Variants in MRM1 observed in about 807,000 individuals in gnomAD.
MRM1 encodes the protein rRNA methyltransferase 1, mitochondrial.
In MRM1, 24 loss-of-function variants were observed where a neutral mutation model predicts 25.0. The ratio of observed to expected loss-of-function variants is 0.96; its 90% CI spans 0.69 to 1.35. The LOEUF is 1.35. Among genes scored for constraint, MRM1 ranks in the 40% most tolerant of loss-of-function variants. The probability of loss-of-function intolerance (pLI) is 0.00; values close to 1 mark genes in which losing one functional copy is unlikely to be tolerated. For synonymous variants in MRM1, 188 were observed against 199.2 expected, an observed-to-expected ratio of 0.94 and a Z score of 0.47; for missense variants, 431 against 464.1, an observed-to-expected ratio of 0.93 and a Z score of 0.65.
intron 4 of MRM1, 86 bp from the exon 5 acceptor site, chr17:36,608,157 G>T: frequency 1.3e-6 from 2 of 1,520,870 alleles, no homozygotes; most frequent in Non-Finnish European, 1.8e-6. Context: ...TCCCGTTGAT[G>T]AGATGAGGGG....
In MRM1 at chr17:36,608,525, T is replaced by G; in HGVS notation, c.*110T>G. On this transcript the variant is annotated 3_prime_UTR_variant, in exon 5 of 5. Transcript: ENST00000614766. The stretch of plus-strand genomic sequence containing the variant: ...CCTGAGTGTGCACCAGGCCCATGTT[T>G]ATTGACCACAGTCTGGGGGGGGGGG... 1.7e-5 allele frequency: 7 copies of G among 420,236 alleles called. No individual in the cohort carries two copies. The highest frequency in any genetic ancestry group is 7.7e-5 in the East Asian group (1 of 12,928). The allele number at this position is 420,236 out of a possible 1,614,324, so 26.0% of individuals were successfully genotyped here.
At chr17:36,631,786 G>A in the MRM1 span, among the ~76,000 whole-genome samples, 1 of 152,200 alleles carries the variant, frequency 6.6e-6, no homozygotes, top group African/African-American at 2.4e-5. Context: ...TTTCTCCAAA[G>A]ACCTTAGGGA....
intron 2 of MRM1, among the ~76,000 whole-genome samples, chr17:36,606,875 T>C (rs1284418013): frequency 6.6e-6 from 1 of 150,404 alleles, no homozygotes; most frequent in Non-Finnish European, 1.5e-5. Context: ...CCTCCCAAAG[T>C]GCTGGGATTA....
the MRM1 span, among the ~76,000 whole-genome samples, chr17:36,633,457 T>C: frequency 6.6e-6 from 1 of 152,072 alleles, no homozygotes; most frequent in African/African-American, 2.4e-5. Context: ...TCACACCCTC[T>C]TCCTTCGAAG....
At chr17:36,609,745 G>A (rs1350043589), downstream of MRM1, among the ~76,000 whole-genome samples, 3 of 152,208 alleles carry the variant, frequency 2.0e-5, no homozygotes, top group East Asian at 3.8e-4. Context: ...GGGCGAAAGG[G>A]GAATAATCCT....
the MRM1 span, among the ~76,000 whole-genome samples, chr17:36,625,316 TCTTCTCCTTCTC>T: frequency 8.6e-6 from 1 of 116,832 alleles, no homozygotes; most frequent in East Asian, 2.2e-4. Context: ...TCTTCTTCTT[TCTTCTCCTTCTC>T]CTTCTCCTTC....
downstream of MRM1, among the ~76,000 whole-genome samples, chr17:36,609,693 T>TG (rs554140549): frequency 3.9e-4 from 60 of 152,136 alleles, no homozygotes; most frequent in Admixed American, 6.5e-4. Context: ...TATGTGACCT[T>TG]GGGGGGGCGC....
chr17:36,625,449 T>C, the MRM1 span, among the ~76,000 whole-genome samples: 9 of 134,116 alleles, frequency 6.7e-5, no homozygotes, highest in Non-Finnish European at 1.1e-4. Flanking sequence ...TTCTTCTTCT[T>C]CTCCTCCTCC....
chr17:36,622,807 C>T, the MRM1 span, among the ~76,000 whole-genome samples: 1 of 152,138 alleles, frequency 6.6e-6, no homozygotes, highest in South Asian at 2.1e-4. Context: ...GGGTCATGCT[C>T]CTGGGGTAAT....
the MRM1 span, among the ~76,000 whole-genome samples, chr17:36,621,506 C>T: frequency 6.6e-6 from 1 of 152,172 alleles, no homozygotes; most frequent in Non-Finnish European, 1.5e-5. Flanking sequence ...CTTCCCAGTC[C>T]CTCTCAGCCC....
intron 2 of MRM1, among the ~76,000 whole-genome samples, chr17:36,604,395 C>G (rs556933384): frequency 5.9e-5 from 9 of 152,358 alleles, no homozygotes; most frequent in African/African-American, 2.2e-4. Flanking sequence ...TGCTTTCCTT[C>G]TGCTTCACCA....
chr17:36,626,612 C>T, the MRM1 span, among the ~76,000 whole-genome samples: 1 of 152,262 alleles, frequency 6.6e-6, no homozygotes, highest in Non-Finnish European at 1.5e-5. Flanking sequence ...CCGCCTGCCT[C>T]AGCCTCCCAA....
At chr17:36,622,518 G>T in the MRM1 span, among the ~76,000 whole-genome samples, 1 of 151,114 alleles carries the variant, frequency 6.6e-6, no homozygotes, top group Non-Finnish European at 1.5e-5. Flanking sequence ...GTTGCAGTGA[G>T]CTGAGATCAA....
the MRM1 span, among the ~76,000 whole-genome samples, chr17:36,619,667 GAA>G: frequency 3.1e-5 from 4 of 129,942 alleles, no homozygotes; most frequent in East Asian, 9.0e-4. Flanking sequence ...GTCTCAAAAA[GAA>G]AAAAAAAAAA....
At position 36,602,709 on chromosome 17, in the gene MRM1, A is replaced by T; in HGVS notation, c.636+63A>T. 1 of 1,577,438 alleles carries T rather than the reference A, an allele frequency of 6.3e-7. No homozygotes were observed. Among genetic ancestry groups the T allele is most frequent in the Admixed American group, 1.7e-5 (1 of 59,722 alleles). ...CCAGCTCAGCCTCTTCAAGGGGACGAAGCTAGCCCCTGGCGAGGGAGAGAA... is the reference window on the plus strand; with the variant it reads ...CCAGCTCAGCCTCTTCAAGGGGACGTAGCTAGCCCCTGGCGAGGGAGAGAA... On this transcript the variant is annotated intron_variant, in intron 2 of 4. Coordinates refer to ENST00000614766, the MANE Select transcript of MRM1 (RefSeq NM_024864.5). The surrounding 1 kb of genome is among the most constrained non-coding windows in gnomAD (Gnocchi z 4.1).
chr17:36,631,198 C>T, the MRM1 span, among the ~76,000 whole-genome samples: 2 of 152,240 alleles, frequency 1.3e-5, no homozygotes, highest in Admixed American at 6.5e-5. Context: ...ATTGCTCACC[C>T]TCTTTGAACC....
chr17:36,629,359 G>T, the MRM1 span, among the ~76,000 whole-genome samples: 1 of 152,148 alleles, frequency 6.6e-6, no homozygotes, highest in Non-Finnish European at 1.5e-5. Context: ...GTCTGAGGGC[G>T]TCTCCCCTTC....
the MRM1 span, among the ~76,000 whole-genome samples, chr17:36,617,674 T>C: frequency 6.6e-6 from 1 of 152,010 alleles, no homozygotes; most frequent in Non-Finnish European, 1.5e-5. Flanking sequence ...GGGATTACAG[T>C]CATGAGCCAC....
At position 36,602,537 on chromosome 17, in the gene MRM1, C is replaced by A. The variant is rs1201375830; in HGVS notation, c.543-16C>A. ...AGATGGCCCAGCCTAATGCGGGGAA[C>A]GGGGAAACCTTGCAGCTGCCCGCTC... On this transcript the variant is annotated splice_polypyrimidine_tract_variant and intron_variant, in intron 1 of 4. Coordinates refer to ENST00000614766, the MANE Select transcript of MRM1 (RefSeq NM_024864.5). This position sits in a 1 kb window ranked among gnomAD's most constrained non-coding sequence, Gnocchi z 4.1. 1 of 1,613,972 alleles carries A rather than the reference C, an allele frequency of 6.2e-7. No individual in the cohort carries two copies. Among genetic ancestry groups the A allele is most frequent in the African/African-American group, 1.3e-5 (1 of 74,898 alleles).
Sources: gnomAD v4.1 joint callset for allele counts (sites outside exome capture counted in the v4.1 genomes callset) on GRCh38, gnomAD v4.1.1 for gene constraint, Gnocchi (gnomAD v3.1) non-coding constraint, MANE v1.5 for transcripts, NCBI Gene and HGNC (gene_info 2026-07-23, HGNC 2026-07-21) for gene names.